The following GRIK3 variants were observed in gnomAD, a reference collection of about 807,000 sequenced individuals.
GRIK3 encodes glutamate receptor ionotropic, kainate 3.
In GRIK3, 29 loss-of-function variants were observed where a neutral mutation model predicts 102.5. The ratio of observed to expected loss-of-function variants is 0.28; its 90% CI spans 0.21 to 0.39. The LOEUF (loss-of-function observed/expected upper bound fraction) is 0.39. GRIK3 is among the 10% of genes least tolerant of loss of function. GRIK3 has a pLI of 1.00. For missense variants in GRIK3, 908 were observed against 1,252.4 expected, an observed-to-expected ratio of 0.73 and a Z score of 4.15; for synonymous variants, 511 against 504.9, an observed-to-expected ratio of 1.01 and a Z score of -0.16.
intron 1 of GRIK3, among the ~76,000 whole-genome samples, chr1:36,908,451 G>A (rs1296665669): frequency 2.0e-5 from 3 of 152,178 alleles, no homozygotes; most frequent in South Asian, 4.1e-4. Context: ...GCATCTGATT[G>A]TCCTGGGTTC....
intron 1 of GRIK3, among the ~76,000 whole-genome samples, chr1:36,937,014 C>T (rs749501440): frequency 3.4e-4 from 52 of 152,166 alleles, no homozygotes; most frequent in Non-Finnish European, 6.6e-4. Flanking sequence ...TCAATGGACA[C>T]GCAGTGGAGG....
intron 1 of GRIK3, among the ~76,000 whole-genome samples, chr1:36,942,245 G>A (rs773313120): frequency 6.6e-6 from 1 of 152,192 alleles, no homozygotes; most frequent in Non-Finnish European, 1.5e-5. Context: ...TGATGCTGGC[G>A]CTGCCACCGC....
chr1:36,822,554 C>T (rs557329963), intron 11 of GRIK3, among the ~76,000 whole-genome samples: 21 of 152,180 alleles, frequency 1.4e-4, no homozygotes, highest in African/African-American at 2.4e-4. Flanking sequence ...TTGTAGCTTG[C>T]GGTTGCAAGG....
At chr1:37,017,155 C>T (rs1642659755) in intron 1 of GRIK3, among the ~76,000 whole-genome samples, 1 of 150,530 alleles carries the variant, frequency 6.6e-6, no homozygotes, top group Non-Finnish European at 1.5e-5. Context: ...GTGGGGGTTG[C>T]AGTGAGCCGA....
chr1:36,828,170 G>A lies in GRIK3; in HGVS notation c.1531-2344C>T, dbSNP rs188023996. 5.3e-4 allele frequency among the ~76,000 whole-genome samples: 81 copies of A among 152,244 alleles called. No individual in the cohort carries two copies. In the East Asian group the frequency reaches 0.011, roughly 20 times the overall value. On this transcript the variant is annotated intron_variant, in intron 10 of 15. Coordinates refer to ENST00000373091, the MANE Select transcript of GRIK3 (RefSeq NM_000831.4). ...CTTCCAGTTAGTGAGCCCCTGCTGGGGCTGTAGATAGGATCCCTTGGTGGG... is the reference window on the plus strand; with the variant it reads ...CTTCCAGTTAGTGAGCCCCTGCTGGAGCTGTAGATAGGATCCCTTGGTGGG...
At chr1:36,896,906 A>C (rs1181282786) in intron 1 of GRIK3, among the ~76,000 whole-genome samples, 1 of 152,234 alleles carries the variant, frequency 6.6e-6, no homozygotes, top group East Asian at 1.9e-4. Flanking sequence ...AAATGCGATC[A>C]TCTGAATCAA....
At chr1:36,857,382 G>A (rs1640665237) in intron 7 of GRIK3, among the ~76,000 whole-genome samples, 1 of 152,172 alleles carries the variant, frequency 6.6e-6, no homozygotes, top group African/African-American at 2.4e-5. Context: ...TCAGGGCATT[G>A]GACAGTGGGA....
chr1:36,820,590 A>G (rs1466482359), intron 11 of GRIK3, among the ~76,000 whole-genome samples: 1 of 152,224 alleles, frequency 6.6e-6, no homozygotes, highest in Non-Finnish European at 1.5e-5. Context: ...CTCTATCTGC[A>G]TTACATAAAT....
At chr1:36,885,559 T>C (rs1467936622) in intron 2 of GRIK3, among the ~76,000 whole-genome samples, 2 of 152,130 alleles carry the variant, frequency 1.3e-5, no homozygotes, top group African/African-American at 2.4e-5. Context: ...GTGATTAGAC[T>C]TTACTCTTGC....
intron 13 of GRIK3, among the ~76,000 whole-genome samples, chr1:36,810,262 C>T (rs944040489): frequency 1.3e-5 from 2 of 152,164 alleles, no homozygotes; most frequent in Non-Finnish European, 2.9e-5. Context: ...CTATCATCAC[C>T]ACCCTAGGGA....
At chr1:36,955,424 C>G (rs1641894740) in intron 1 of GRIK3, among the ~76,000 whole-genome samples, 1 of 152,208 alleles carries the variant, frequency 6.6e-6, no homozygotes, top group Admixed American at 6.5e-5. Context: ...ACACTCACAG[C>G]ACCCAACACA....
chr1:36,839,904 CTG>C (rs976903685), intron 10 of GRIK3, among the ~76,000 whole-genome samples: 8 of 152,192 alleles, frequency 5.3e-5, no homozygotes, highest in Non-Finnish European at 8.8e-5. Flanking sequence ...TCCAAGGTCT[CTG>C]TAGGCAGCTC....
chr1:36,922,026 AC>A (rs1641479073), intron 1 of GRIK3, among the ~76,000 whole-genome samples: 1 of 152,188 alleles, frequency 6.6e-6, no homozygotes, highest in African/African-American at 2.4e-5. Flanking sequence ...TCAGGGCCCC[AC>A]AGAGGGGTAG....
chr1:36,982,548 G>A (rs191861950), intron 1 of GRIK3, among the ~76,000 whole-genome samples: 12 of 152,308 alleles, frequency 7.9e-5, no homozygotes, highest in African/African-American at 2.4e-4. Context: ...TGAACAATTC[G>A]TGGATTCAAG....
chr1:36,987,256 C>T lies in GRIK3; in HGVS notation c.115+46738G>A, dbSNP rs944911133. On this transcript the variant is annotated intron_variant, in intron 1 of 15. Transcript: ENST00000373091. ...GAGCTCCCCTGGCAGCACTGAGGTT[C>T]GATTCCATGTCTGCTCAGCAGAGCT... Among the ~76,000 whole-genome samples, 7 of 151,360 alleles carry T rather than the reference C, an allele frequency of 4.6e-5. No individual in the cohort carries two copies. The South Asian group carries it at 8.4e-4, about 18-fold the overall frequency.
In GRIK3 at chr1:36,808,708, C is replaced by T. The variant is rs74064758; in HGVS notation, c.2092-2382G>A. Among the ~76,000 whole-genome samples, 700 of 152,228 alleles carry T rather than the reference C, an allele frequency of 4.6e-3. 6 individuals are homozygous for T. Among genetic ancestry groups the T allele is most frequent in the African/African-American group, 0.016 (661 of 41,530 alleles). On this transcript the variant is annotated intron_variant, in intron 13 of 15. Transcript: ENST00000373091. Reference sequence around the variant, plus strand: ...AGGGACCCTGAGCCAGAGGACTCAGCGAAACTGCCTAGATTCCTGACCCAC... The same window carrying T: ...AGGGACCCTGAGCCAGAGGACTCAGTGAAACTGCCTAGATTCCTGACCCAC...
chr1:36,801,958 T>C lies in GRIK3; in HGVS notation c.2653A>G (p.Met885Val). The stretch of plus-strand genomic sequence containing the variant: ...TTGATGACGGCGTCAGTCTTGACCA[T>C]CATGGGAGGCTGAGGCTTGTGCTTG... ...RVKHKPQPPM[M>V]VKTDAVINMH... Residue 885 changes from methionine to valine, a missense_variant, in exon 16 of 16, where the codon ATG (methionine) becomes GTG (valine). Transcript: ENST00000373091. The C allele has an allele frequency of 1.2e-6, 2 of 1,613,972 alleles. No individual in the cohort carries two copies. The highest frequency in any genetic ancestry group is 8.5e-7 in the Non-Finnish European group (1 of 1,179,974).
rs192939977 is a variant in GRIK3, at chr1:36,819,471, G to T, written c.1873+265C>A. Reference sequence around the variant, plus strand: ...GTCCACCTCAGCTGGAGCAGGAGGTGGGGGATGCGTCCCGCATGCCCTGGG... The same window carrying T: ...GTCCACCTCAGCTGGAGCAGGAGGTTGGGGATGCGTCCCGCATGCCCTGGG... On this transcript the variant is annotated intron_variant, in intron 12 of 15. Coordinates refer to ENST00000373091, the MANE Select transcript of GRIK3 (RefSeq NM_000831.4). The surrounding 1 kb of genome is among the most constrained non-coding windows in gnomAD (Gnocchi z 4.1). 1.5e-3 allele frequency among the ~76,000 whole-genome samples: 235 copies of T among 152,354 alleles called. 1 individual carries two copies. The highest frequency in any genetic ancestry group is 9.6e-4 in the Non-Finnish European group (65 of 68,034).
At chr1:36,839,702 T>C (rs968671191) in intron 10 of GRIK3, among the ~76,000 whole-genome samples, 1 of 152,220 alleles carries the variant, frequency 6.6e-6, no homozygotes, top group East Asian at 1.9e-4. Flanking sequence ...GTTAAGAAAC[T>C]TGTCCAGGAA....
Sources: gnomAD v4.1 joint callset for allele counts (sites outside exome capture counted in the v4.1 genomes callset) on GRCh38, gnomAD v4.1.1 for gene constraint, Gnocchi (gnomAD v3.1) non-coding constraint, MANE v1.5 for transcripts, NCBI Gene and HGNC (gene_info 2026-07-23, HGNC 2026-07-21) for gene names.